THBS4: variants seen among roughly 807,000 people sequenced by gnomAD.
THBS4 encodes the protein thrombospondin-4.
In THBS4, 90 loss-of-function variants were observed where a neutral mutation model predicts 115.7. The observed-to-expected ratio is 0.78, with a 90% CI of 0.66 to 0.93. The LOEUF (loss-of-function observed/expected upper bound fraction) is 0.93. THBS4 is among the 40% of genes least tolerant of loss of function. The probability of loss-of-function intolerance (pLI) is 0.00; values close to 1 mark genes in which losing one functional copy is unlikely to be tolerated. For synonymous variants in THBS4, 460 were observed against 479.3 expected (o/e 0.96, Z 0.53); for missense variants, 1,087 against 1,232.7 (o/e 0.88, Z 1.77).
intron 1 of THBS4, among the ~76,000 whole-genome samples, chr5:79,995,454 C>G (rs1221921272): frequency 6.6e-6 from 1 of 151,976 alleles, no homozygotes; most frequent in Non-Finnish European, 1.5e-5. Context: ...AAGGACAGGT[C>G]TAAGAGCATG....
intron 2 of THBS4, among the ~76,000 whole-genome samples, chr5:80,048,775 T>C (rs924039352): frequency 2.6e-5 from 4 of 152,228 alleles, no homozygotes; most frequent in African/African-American, 9.6e-5. Context: ...AGCAATTTGC[T>C]GATTTACCTT....
intron 2 of THBS4, among the ~76,000 whole-genome samples, chr5:80,008,478 G>A (rs114946185): frequency 0.013 from 1,979 of 152,068 alleles, 49 homozygotes; most frequent in African/African-American, 0.045. Context: ...GCAGTGACAC[G>A]ATCTCGACTC....
At chr5:79,995,255 T>C (rs2151147195) in intron 1 of THBS4, among the ~76,000 whole-genome samples, 1 of 152,324 alleles carries the variant, frequency 6.6e-6, no homozygotes, top group East Asian at 1.9e-4. Context: ...TATTGTTACA[T>C]GGACATTATA....
intron 2 of THBS4, among the ~76,000 whole-genome samples, chr5:80,006,555 C>A (rs931627787): frequency 6.6e-6 from 1 of 152,194 alleles, no homozygotes; most frequent in Non-Finnish European, 1.5e-5. Context: ...GACTAATACA[C>A]CTCTGCTCTA....
intron 2 of THBS4, among the ~76,000 whole-genome samples, chr5:80,006,061 G>A (rs987645212): frequency 2.6e-5 from 4 of 152,072 alleles, no homozygotes; most frequent in African/African-American, 7.2e-5. Flanking sequence ...CACCATGCCC[G>A]GCCTGTGGCA....
chr5:79,996,576 C>T (rs1177525625), intron 1 of THBS4, among the ~76,000 whole-genome samples: 2 of 152,120 alleles, frequency 1.3e-5, no homozygotes, highest in East Asian at 3.9e-4. Flanking sequence ...AGTTGTGTGG[C>T]TTCCTCTAAA....
chr5:79,991,335 T>G, exon 1 of THBS4: 1 of 1,131,216 alleles, frequency 8.8e-7, no homozygotes, highest in Non-Finnish European at 1.2e-6. Flanking sequence ...GAAGGGTAAT[T>G]TGGGGGCTCT....
intron 2 of THBS4, among the ~76,000 whole-genome samples, chr5:80,014,346 A>C (rs1832206411): frequency 6.6e-6 from 1 of 152,210 alleles, no homozygotes; most frequent in African/African-American, 2.4e-5. Flanking sequence ...TGTAGTAGAC[A>C]CAGCTCTGGT....
At position 80,078,147 on chromosome 5, in the gene THBS4, G is replaced by A. The variant is rs1051293199; in HGVS notation, c.2185G>A (p.Asp729Asn). ...AGAGAACGCAGAGGTCACCCTGACC[G>A]ACTTCAGGGCTTACCAGACCGTGGT... ...CPENAEVTLT[D>N]FRAYQTVVLD... The change falls in exon 17 of 22, where the codon GAC becomes AAC. Residue 729 changes from aspartate (D) to asparagine (N), a missense_variant. Coordinates refer to ENST00000350881, the MANE Select transcript of THBS4 (RefSeq NM_003248.6). 9 of 1,612,424 alleles carry A rather than the reference G, an allele frequency of 5.6e-6. No homozygotes were observed. The highest frequency in any genetic ancestry group is 1.1e-5 in the South Asian group (1 of 90,674).
chr5:80,062,656 G>T (rs17879824), intron 8 of THBS4, among the ~76,000 whole-genome samples: 63 of 152,202 alleles, frequency 4.1e-4, no homozygotes, highest in African/African-American at 1.5e-3. Flanking sequence ...TTTACATTAG[G>T]TATATCTCCT....
chr5:80,010,229 C>T (rs1350622919), intron 2 of THBS4, among the ~76,000 whole-genome samples: 1 of 152,160 alleles, frequency 6.6e-6, no homozygotes, highest in Non-Finnish European at 1.5e-5. Flanking sequence ...CTACAAGGTC[C>T]TAAATTATCT....
intron 13 of THBS4, 113 bp from the exon 14 acceptor site, chr5:80,072,165 C>A: frequency 1.1e-6 from 1 of 881,900 alleles, no homozygotes; most frequent in Admixed American, 1.8e-5. Context: ...AAAGGGTAGT[C>A]TCTGTGTGAC....
In THBS4 at chr5:80,082,550, T is replaced by C. The variant is rs1305140816; in HGVS notation, c.2824+5T>C. On this transcript the variant is annotated splice_donor_5th_base_variant and intron_variant, in intron 21 of 21. Transcript: ENST00000350881. The stretch of plus-strand genomic sequence containing the variant: ...ACCTCAAGTATCGCTGCAATGGTAA[T>C]GTGCATTCTCGTTACTGTTCAACAT... 1 of 1,614,120 alleles carries C rather than the reference T, an allele frequency of 6.2e-7. No individual in the cohort carries two copies.
At chr5:80,081,215 C>T (rs1561332025) in intron 20 of THBS4, among the ~76,000 whole-genome samples, 1 of 152,084 alleles carries the variant, frequency 6.6e-6, no homozygotes, top group East Asian at 1.9e-4. Context: ...AGGGCAAATT[C>T]ATGTTTTGTT....
At chr5:80,019,405 G>A (rs909358729) in intron 2 of THBS4, among the ~76,000 whole-genome samples, 1 of 152,122 alleles carries the variant, frequency 6.6e-6, no homozygotes, top group Non-Finnish European at 1.5e-5. Context: ...AGATATTTGG[G>A]AGTCACTTAA....
At chr5:80,063,927 G>A (rs1034290167) in intron 8 of THBS4, among the ~76,000 whole-genome samples, 4 of 152,228 alleles carry the variant, frequency 2.6e-5, no homozygotes, top group African/African-American at 9.6e-5. Flanking sequence ...TAGAGCTGAT[G>A]CCACAGCAGA....
At chr5:80,009,534 T>G (rs114441892) in intron 2 of THBS4, among the ~76,000 whole-genome samples, 168 of 152,298 alleles carry the variant, frequency 1.1e-3, no homozygotes, top group African/African-American at 3.9e-3. Context: ...GGTTGTGTAG[T>G]GAGAGTCACT....
chr5:80,030,312 AC>A (rs1337420165), intron 2 of THBS4, among the ~76,000 whole-genome samples: 1 of 151,840 alleles, frequency 6.6e-6, no homozygotes, highest in African/African-American at 2.4e-5. Context: ...CAATTCTGTC[AC>A]CCCAGCCTCC....
chr5:80,056,526 C>T, intron 3 of THBS4, among the ~76,000 whole-genome samples: 1 of 152,218 alleles, frequency 6.6e-6, no homozygotes, highest in Non-Finnish European at 1.5e-5. Flanking sequence ...CTTAGCTTAG[C>T]TGCATTTGGT....
Sources: gnomAD v4.1 joint callset for allele counts (sites outside exome capture counted in the v4.1 genomes callset) on GRCh38, gnomAD v4.1.1 for gene constraint, MANE v1.5 for transcripts, NCBI Gene and HGNC (gene_info 2026-07-23, HGNC 2026-07-21) for gene names.